The following COL6A5 variants were observed in gnomAD, a reference collection of about 807,000 sequenced individuals.
The protein encoded by COL6A5 is collagen alpha-5(VI) chain.
Under a neutral mutation model 65.6 loss-of-function variants are expected in COL6A5, and 48 were observed. The observed-to-expected ratio is 0.73, with a 90% CI of 0.58 to 0.93. The LOEUF is 0.93. Ranked by LOEUF, COL6A5 falls within the 40% of genes least tolerant of loss-of-function variation. COL6A5 has a pLI of 0.00. For synonymous variants in COL6A5, 291 were observed against 322.8 expected (o/e 0.90, Z 1.05); for missense variants, 914 against 928.3 (o/e 0.98, Z 0.20).
At chr3:130,394,782 C>A in intron 7 of COL6A5, 108 bp from the exon 8 acceptor site, 1 of 741,788 alleles carries the variant, frequency 1.3e-6, no homozygotes, top group Non-Finnish European at 2.2e-6. Flanking sequence ...TCTCAATTTG[C>A]TAATGTAAAT....
At chr3:130,451,715 C>T (rs555252813) in intron 4 of COL6A5, among the ~76,000 whole-genome samples, 6 of 152,058 alleles carry the variant, frequency 3.9e-5, no homozygotes, top group South Asian at 2.1e-4. Flanking sequence ...CAAAGTCATC[C>T]GAGTTAGACA....
At chr3:130,347,059 T>A (rs772094263) in intron 1 of COL6A5, among the ~76,000 whole-genome samples, 2 of 152,350 alleles carry the variant, frequency 1.3e-5, no homozygotes, top group African/African-American at 4.8e-5. Flanking sequence ...GAGCCATTAA[T>A]CTTTGATGAC....
exon 5 of COL6A5, chr3:130,385,025 G>C (rs1166983536): frequency 6.4e-7 from 1 of 1,550,816 alleles, no homozygotes; most frequent in South Asian, 1.2e-5. Context: ...CTTAAGAAAG[G>C]CTATTTTTAA....
intron 4 of COL6A5, among the ~76,000 whole-genome samples, chr3:130,450,102 G>T (rs1017103742): frequency 7.0e-5 from 2 of 28,398 alleles, no homozygotes; most frequent in African/African-American, 1.5e-4. Flanking sequence ...TTGGTTTGTT[G>T]GGACCCATTT....
At chr3:130,348,548 A>C (rs1453787276) in intron 1 of COL6A5, among the ~76,000 whole-genome samples, 1 of 152,148 alleles carries the variant, frequency 6.6e-6, no homozygotes, top group African/African-American at 2.4e-5. Context: ...GTTGGTTCCA[A>C]GTCTTTGCTA....
At chr3:130,455,879 T>C (rs1709560165) in intron 5 of COL6A5, among the ~76,000 whole-genome samples, 4 of 152,160 alleles carry the variant, frequency 2.6e-5, no homozygotes. Context: ...CTCTCAGAAA[T>C]GTCCCTGATA....
intron 4 of COL6A5, among the ~76,000 whole-genome samples, chr3:130,444,179 A>T (rs191959009): frequency 5.3e-5 from 8 of 152,278 alleles, no homozygotes; most frequent in Admixed American, 5.2e-4. Context: ...CCCTGAACAT[A>T]GCTGTTGTCC....
chr3:130,415,701 A>C lies in COL6A5; in HGVS notation c.4818A>C (p.Gly1606=), dbSNP rs993610705. Reference sequence around the variant, plus strand: ...AAAAAGGAAGCCAGGGGCAGAAAGGACCTCAGGTGAGTGACTCGGAGACAT... The same window carrying C: ...AAAAAGGAAGCCAGGGGCAGAAAGGCCCTCAGGTGAGTGACTCGGAGACAT... Residue 1606 remains glycine (G), a synonymous_variant and NMD_transcript_variant, in exon 23 of 42, where the codon GGA becomes GGC. Transcript: ENST00000312481. 4.1e-5 allele frequency: 64 copies of C among 1,547,832 alleles called. 1 individual carries two copies. Among genetic ancestry groups the C allele is most frequent in the Non-Finnish European group, 5.4e-5 (62 of 1,144,384 alleles).
chr3:130,452,219 A>T (rs1709459868), intron 4 of COL6A5, among the ~76,000 whole-genome samples: 1 of 152,100 alleles, frequency 6.6e-6, no homozygotes, highest in East Asian at 1.9e-4. Flanking sequence ...CTGTGGACCA[A>T]ACCGATGACG....
exon 6 of COL6A5, chr3:130,469,290 T>A: frequency 6.2e-7 from 1 of 1,613,024 alleles, no homozygotes; most frequent in South Asian, 1.1e-5. Context: ...TTAAGGAATG[T>A]GTCTCTGAGA....
At chr3:130,400,790 G>A (rs1295759239) in intron 10 of COL6A5, among the ~76,000 whole-genome samples, 2 of 152,170 alleles carry the variant, frequency 1.3e-5, no homozygotes, top group African/African-American at 2.4e-5. Context: ...CGTTTCTCTT[G>A]AATACTTTTT....
At chr3:130,469,345 T>G (rs1216283810) in exon 6 of COL6A5, 9 of 1,612,900 alleles carry the variant, frequency 5.6e-6, no homozygotes, top group Non-Finnish European at 7.6e-6. Context: ...CCTTTGGCCC[T>G]AAACACAATG....
At chr3:130,393,917 C>A (rs1559876354) in intron 7 of COL6A5, among the ~76,000 whole-genome samples, 1 of 152,218 alleles carries the variant, frequency 6.6e-6, no homozygotes, top group Non-Finnish European at 1.5e-5. Context: ...AAGCTGTTTA[C>A]CGCCTGCCCA....
intron 1 of COL6A5, among the ~76,000 whole-genome samples, chr3:130,348,296 C>T (rs902187427): frequency 1.4e-4 from 21 of 152,166 alleles, no homozygotes; most frequent in African/African-American, 5.1e-4. Flanking sequence ...CTGACAGGCC[C>T]TGGTGTGTGA....
At chr3:130,461,327 A>G (rs1290804663) in intron 5 of COL6A5, among the ~76,000 whole-genome samples, 1 of 152,126 alleles carries the variant, frequency 6.6e-6, no homozygotes, top group African/African-American at 2.4e-5. Context: ...ACACTGTATC[A>G]CTTGACTGAT....
intron 6 of COL6A5, among the ~76,000 whole-genome samples, chr3:130,389,824 C>T (rs1359579666): frequency 1.3e-5 from 2 of 152,068 alleles, no homozygotes; most frequent in African/African-American, 4.8e-5. Context: ...AGCTTTCTCT[C>T]AATCCACACA....
chr3:130,372,681 G>A (rs1341160341), intron 1 of COL6A5, among the ~76,000 whole-genome samples: 2 of 152,102 alleles, frequency 1.3e-5, no homozygotes, highest in South Asian at 2.1e-4. Context: ...GGGGGAATGG[G>A]GAATGACTGC....
At chr3:130,377,206 C>T (rs2107638781) in intron 3 of COL6A5, among the ~76,000 whole-genome samples, 1 of 152,298 alleles carries the variant, frequency 6.6e-6, no homozygotes, top group Non-Finnish European at 1.5e-5. Context: ...TCCTCCTTCC[C>T]TTCCCCACCA....
intron 1 of COL6A5, among the ~76,000 whole-genome samples, chr3:130,356,371 AAAAT>A (rs1228373017): frequency 3.4e-4 from 52 of 152,162 alleles, no homozygotes; most frequent in Non-Finnish European, 2.9e-5. Flanking sequence ...AAGATAGGCA[AAAAT>A]AAATAAAGAT....
Sources: gnomAD v4.1 joint callset for allele counts (sites outside exome capture counted in the v4.1 genomes callset) on GRCh38, gnomAD v4.1.1 for gene constraint, MANE v1.5 for transcripts, NCBI Gene and HGNC (gene_info 2026-07-23, HGNC 2026-07-21) for gene names.